SESN3: variants seen among roughly 807,000 people sequenced by gnomAD.
The protein encoded by SESN3 is sestrin-3.
In SESN3, 21 loss-of-function variants were observed where a neutral mutation model predicts 55.3. The observed-to-expected ratio is 0.38, with a 90% CI of 0.27 to 0.55. The LOEUF is 0.55. Among genes scored for constraint, SESN3 ranks in the 20% least tolerant of loss-of-function variants. The pLI is 0.76. For missense variants in SESN3, 408 were observed against 604.3 expected, an observed-to-expected ratio of 0.68 and a Z score of 3.41; for synonymous variants, 181 against 203.1, an observed-to-expected ratio of 0.89 and a Z score of 0.93.
At position 95,167,460 on chromosome 11, in the gene SESN3, ATTCT is replaced by A. The variant is rs2134201241; in HGVS notation, c.*5791_*5794del. 6.6e-6 allele frequency: 1 copy of A among 152,190 alleles called. No individual in the cohort carries two copies. The highest frequency in any genetic ancestry group is 2.4e-5 in the African/African-American group (1 of 41,476). 9.4% of individuals were successfully genotyped at this position (152,190 alleles called of 1,614,324 possible). A position where few individuals can be genotyped will look rare whatever the true frequency, so the allele number is the denominator to read the frequency against. ...AAGCATTCAAAAGAATCAGATATTC[ATTCT>A]GTTTCCCCCCCATATATATAATTTT... On this transcript the variant is annotated 3_prime_UTR_variant, in exon 10 of 10. Transcript: ENST00000536441.
intron 9 of SESN3, among the ~76,000 whole-genome samples, chr11:95,175,014 G>A (rs181442590): frequency 8.8e-4 from 134 of 151,964 alleles, no homozygotes; most frequent in Non-Finnish European, 1.1e-3. Flanking sequence ...ATTGTATTTT[G>A]GCCCAGAAGG....
chr11:95,208,232 T>C (rs1316643487), intron 1 of SESN3, among the ~76,000 whole-genome samples: 2 of 151,434 alleles, frequency 1.3e-5, no homozygotes, highest in African/African-American at 4.8e-5. Context: ...TCCAAAATAA[T>C]GTATGGACTT....
In SESN3 at chr11:95,201,563, C is replaced by T. The variant is rs368188488; in HGVS notation, c.79-8041G>A. On this transcript the variant is annotated intron_variant, in intron 1 of 9. Transcript: ENST00000536441. Reference sequence around the variant, plus strand: ...ACAAGTTGTTATATTTATACATTGACTATGGAGTGACAAGCTTCTAAAAAC... The same window carrying T: ...ACAAGTTGTTATATTTATACATTGATTATGGAGTGACAAGCTTCTAAAAAC... Among the ~76,000 whole-genome samples, 42 of 152,082 alleles carry T rather than the reference C, an allele frequency of 2.8e-4. 1 individual carries two copies. The highest frequency in any genetic ancestry group is 1.7e-3 in the East Asian group (9 of 5,190).
In SESN3 at chr11:95,231,138, C is replaced by T; in HGVS notation, c.-278G>A. 2.4e-6 allele frequency: 1 copy of T among 419,124 alleles called. No homozygotes were observed. The highest frequency in any genetic ancestry group is 4.2e-6 in the Non-Finnish European group (1 of 239,292). The allele number at this position is 419,124 out of a possible 1,614,324, so 26.0% of individuals were successfully genotyped here. A position where few individuals can be genotyped will look rare whatever the true frequency, so the allele number is the denominator to read the frequency against. On this transcript the variant is annotated 5_prime_UTR_variant, in exon 1 of 10. Coordinates refer to ENST00000536441, the MANE Select transcript of SESN3 (RefSeq NM_144665.4). Reference sequence around the variant, plus strand: ...CCCATCTTCCAGACCCCCGCCCCCGCCAGGCTAGGACGAGCAGCCGCCACC... The same window carrying T: ...CCCATCTTCCAGACCCCCGCCCCCGTCAGGCTAGGACGAGCAGCCGCCACC...
At chr11:95,185,586 T>A in intron 4 of SESN3, 94 bp from the exon 5 acceptor site, 1 of 794,806 alleles carries the variant, frequency 1.3e-6, no homozygotes, top group Non-Finnish European at 2.1e-6. Context: ...TATATCCACT[T>A]AGAGTAATAA....
At chr11:95,202,530 T>C (rs1043456236) in intron 1 of SESN3, among the ~76,000 whole-genome samples, 12 of 152,106 alleles carry the variant, frequency 7.9e-5, no homozygotes, top group Non-Finnish European at 1.8e-4. Context: ...ACCACTTTCT[T>C]AAAAATCAGT....
intron 1 of SESN3, among the ~76,000 whole-genome samples, chr11:95,223,795 C>T (rs925467073): frequency 6.6e-6 from 1 of 151,746 alleles, no homozygotes; most frequent in Admixed American, 6.6e-5. Flanking sequence ...CCTGGAACCC[C>T]TTCATAAATG....
chr11:95,215,910 A>C (rs1181764963), intron 1 of SESN3, among the ~76,000 whole-genome samples: 6 of 151,982 alleles, frequency 3.9e-5, no homozygotes, highest in Non-Finnish European at 7.4e-5. Context: ...CATCCTGGCT[A>C]AAACGGTGAA....
At chr11:95,217,960 G>C (rs1860790743) in intron 1 of SESN3, among the ~76,000 whole-genome samples, 1 of 152,196 alleles carries the variant, frequency 6.6e-6, no homozygotes. Flanking sequence ...CTGCTCATCA[G>C]AGGAAGGGTT....
intron 6 of SESN3, among the ~76,000 whole-genome samples, chr11:95,181,948 A>G (rs1460669922): frequency 6.6e-6 from 1 of 152,074 alleles, no homozygotes; most frequent in Non-Finnish European, 1.5e-5. Context: ...GTATTTTTAT[A>G]TATATGTGTG....
intron 1 of SESN3, among the ~76,000 whole-genome samples, chr11:95,229,448 G>A (rs1861009730): frequency 6.6e-6 from 1 of 151,826 alleles, no homozygotes; most frequent in South Asian, 2.1e-4. Context: ...ACAATTTAAG[G>A]CATATTTAAC....
At chr11:95,199,850 C>CT (rs945109632) in intron 1 of SESN3, among the ~76,000 whole-genome samples, 6 of 151,506 alleles carry the variant, frequency 4.0e-5, no homozygotes, top group Non-Finnish European at 7.4e-5. Context: ...ACTTAAGGAT[C>CT]TTTTTTTTAA....
At chr11:95,194,855 A>C (rs1860331985) in intron 1 of SESN3, among the ~76,000 whole-genome samples, 1 of 152,110 alleles carries the variant, frequency 6.6e-6, no homozygotes, top group African/African-American at 2.4e-5. Context: ...TCAATGAACT[A>C]CAAGGTTAAA....
At chr11:95,196,593 C>G (rs1269051959) in intron 1 of SESN3, among the ~76,000 whole-genome samples, 1 of 152,132 alleles carries the variant, frequency 6.6e-6, no homozygotes, top group Admixed American at 6.5e-5. Flanking sequence ...TCTAAAGTCT[C>G]TAGACCTACG....
rs752690033 is a variant in SESN3 at position 95,184,590 on chromosome 11, A to T, written c.767T>A (p.Val256Glu). 1 of 1,611,596 alleles carries T rather than the reference A, an allele frequency of 6.2e-7. No individual in the cohort carries two copies. Among genetic ancestry groups the T allele is most frequent in the African/African-American group, 1.3e-5 (1 of 74,722 alleles). ...GGCCTCTAGCTCACTTAGAGAATCC[A>T]CAATCTGGAAACAGATAAGATAATG... The part of the protein sequence containing the change: ...ASLSGSNFGI[V>E]DSLSELEALM... Residue 256 changes from valine to glutamate, a missense_variant, in exon 6 of 10, where the codon GTG becomes GAG. This residue lies in a region of SESN3 where 119 missense variants were observed against 139.9 expected (regional missense o/e 0.85). Transcript: ENST00000536441.
rs1286654777 is a variant in SESN3, at chr11:95,166,716, G to C, written c.*6539C>G. 1 of 152,184 alleles carries C rather than the reference G, an allele frequency of 6.6e-6. No individual in the cohort carries two copies. The highest frequency in any genetic ancestry group is 1.5e-5 in the Non-Finnish European group (1 of 68,040). The allele number at this position is 152,184 out of a possible 1,614,324, so 9.4% of individuals were successfully genotyped here. On this transcript the variant is annotated 3_prime_UTR_variant, in exon 10 of 10. Transcript: ENST00000536441. Reference sequence around the variant, plus strand: ...ACCTGACAGGGTTCTTTATAACCTTGCTGAGACTGTGTATGTGTATGTGCC... The same window carrying C: ...ACCTGACAGGGTTCTTTATAACCTTCCTGAGACTGTGTATGTGTATGTGCC...
intron 9 of SESN3, among the ~76,000 whole-genome samples, chr11:95,174,039 A>C (rs1381981843): frequency 6.6e-6 from 1 of 152,188 alleles, no homozygotes; most frequent in Non-Finnish European, 1.5e-5. Flanking sequence ...TCTAGATACA[A>C]TCTAGAAAAG....
chr11:95,199,379 G>A (rs908666968), intron 1 of SESN3, among the ~76,000 whole-genome samples: 1 of 151,906 alleles, frequency 6.6e-6, no homozygotes, highest in Non-Finnish European at 1.5e-5. Flanking sequence ...AAAAAGTTAC[G>A]CTTGAAATTC....
Position 95,185,241 on chromosome 11 carries a change from G to C in SESN3, c.762+15C>G, listed in dbSNP as rs1860141208. Reference sequence around the variant, plus strand: ...AAAGCAAAAATAGTAAAGAAAAATAGCTAAGAAAACTAACCCCAAAGTTGC... The same window carrying C: ...AAAGCAAAAATAGTAAAGAAAAATACCTAAGAAAACTAACCCCAAAGTTGC... On this transcript the variant is annotated intron_variant, in intron 5 of 9. Coordinates refer to ENST00000536441, the MANE Select transcript of SESN3 (RefSeq NM_144665.4). 1.4e-6 allele frequency: 2 copies of C among 1,477,448 alleles called. No homozygotes were observed. Among genetic ancestry groups the C allele is most frequent in the Admixed American group, 3.4e-5 (2 of 58,814 alleles). The allele number at this position is 1,477,448 out of a possible 1,614,324, so 91.5% of individuals were successfully genotyped here.
Sources: allele counts gnomAD v4.1 joint callset (sites outside exome capture counted in the v4.1 genomes callset), GRCh38; gene constraint gnomAD v4.1.1; regional missense constraint gnomAD v4.1.1; transcripts MANE v1.5; gene names NCBI Gene and HGNC (gene_info 2026-07-23, HGNC 2026-07-21).